The following CDH4 variants were observed in gnomAD, a reference collection of about 807,000 sequenced individuals.
CDH4 encodes the protein cadherin 4.
CDH4 carries 33 observed loss-of-function variants against 86.0 expected under a neutral mutation model. That is an observed-to-expected ratio of 0.38 (90% CI 0.29 to 0.51). CDH4 has a LOEUF of 0.51. Among genes scored for constraint, CDH4 ranks in the 20% least tolerant of loss-of-function variants. The pLI, the probability that CDH4 is intolerant of heterozygous loss-of-function variation, is 0.86. For missense variants in CDH4, 1,114 were observed against 1,307.4 expected, an observed-to-expected ratio of 0.85 and a Z score of 2.28; for synonymous variants, 555 against 549.4, an observed-to-expected ratio of 1.01 and a Z score of -0.14.
intron 2 of CDH4, among the ~76,000 whole-genome samples, chr20:61,671,608 G>A (rs2087388054): frequency 6.6e-6 from 1 of 152,004 alleles, no homozygotes; most frequent in Non-Finnish European, 1.5e-5. Context: ...TGGATGGATG[G>A]GTAGATGGAT....
rs538342532 is a variant in CDH4, at chr20:61,830,441, C to T, written c.577-14227C>T. Among the ~76,000 whole-genome samples the T allele has an allele frequency of 2.0e-4, 31 of 152,074 alleles. 1 individual carries two copies. The East Asian group carries it at 5.1e-3, about 25-fold the overall frequency. ...ATCCAGGAGGGCAGCACACACCTCC[C>T]GGGGCCTCTGCCATCCGGCCCAGGG... On this transcript the variant is annotated intron_variant, in intron 4 of 15. Coordinates refer to ENST00000614565, the MANE Select transcript of CDH4 (RefSeq NM_001794.5).
chr20:61,416,028 C>T (rs1187020193), intron 2 of CDH4, among the ~76,000 whole-genome samples: 1 of 141,082 alleles, frequency 7.1e-6, no homozygotes, highest in African/African-American at 2.7e-5. Flanking sequence ...TTTTTTTTCC[C>T]CGAAACAGAG....
intron 3 of CDH4, among the ~76,000 whole-genome samples, chr20:61,757,284 G>A (rs6121466): frequency 7.9e-5 from 12 of 152,212 alleles, no homozygotes; most frequent in Admixed American, 2.0e-4. Flanking sequence ...GTGGTGGGCC[G>A]TCAGTATTAG....
At chr20:61,875,116 AC>A (rs1222185136) in intron 7 of CDH4, among the ~76,000 whole-genome samples, 1 of 151,688 alleles carries the variant, frequency 6.6e-6, no homozygotes, top group Non-Finnish European at 1.5e-5. Context: ...GGGCTGTGGG[AC>A]CCCCCGGGGC....
intron 2 of CDH4, among the ~76,000 whole-genome samples, chr20:61,659,906 T>C (rs1166895350): frequency 1.3e-5 from 2 of 152,234 alleles, no homozygotes; most frequent in African/African-American, 4.8e-5. Context: ...TTTGGCTTCC[T>C]CAGTCTGTCC....
chr20:61,594,258 G>T (rs142711543), intron 2 of CDH4, among the ~76,000 whole-genome samples: 1,381 of 123,426 alleles, frequency 0.011, 28 homozygotes, highest in African/African-American at 0.039. Context: ...GAAGAGGGTG[G>T]GGGGGAAGAG....
intron 2 of CDH4, among the ~76,000 whole-genome samples, chr20:61,304,269 C>CT (rs33995092): frequency 7.0e-4 from 106 of 151,782 alleles, no homozygotes; most frequent in African/African-American, 2.4e-3. Context: ...CGGCACCCCC[C>CT]CAACCCCCCG....
intron 2 of CDH4, among the ~76,000 whole-genome samples, chr20:61,289,293 A>G (rs954135152): frequency 2.0e-5 from 3 of 152,204 alleles, no homozygotes; most frequent in Admixed American, 2.0e-4. Context: ...GGGACACCAA[A>G]GCTCACAGGA....
intron 4 of CDH4, among the ~76,000 whole-genome samples, chr20:61,821,121 C>T (rs73307824): frequency 0.019 from 2,911 of 151,356 alleles, 95 homozygotes; most frequent in African/African-American, 0.064. Flanking sequence ...TACCCAGCCT[C>T]CACCTCCCAG....
chr20:61,366,530 C>T (rs2084811607), intron 2 of CDH4, among the ~76,000 whole-genome samples: 1 of 152,246 alleles, frequency 6.6e-6, no homozygotes, highest in South Asian at 2.1e-4. Flanking sequence ...TATTTATTAA[C>T]AGCAAGCCAG....
At chr20:61,824,536 G>A (rs79434128) in intron 4 of CDH4, among the ~76,000 whole-genome samples, 3,645 of 152,130 alleles carry the variant, frequency 0.024, 113 homozygotes, top group East Asian at 0.093. Context: ...ATGCTGAGCC[G>A]TCTGCCCTGT....
At chr20:61,904,556 GC>G (rs2054767869) in intron 8 of CDH4, among the ~76,000 whole-genome samples, 1 of 152,146 alleles carries the variant, frequency 6.6e-6, no homozygotes, top group Admixed American at 6.5e-5. Context: ...CCACCCCTTA[GC>G]CCTGGTCATT....
chr20:61,849,572 C>A (rs996202408), intron 5 of CDH4, among the ~76,000 whole-genome samples: 1 of 152,022 alleles, frequency 6.6e-6, no homozygotes, highest in Non-Finnish European at 1.5e-5. Context: ...GCTCCCCCGG[C>A]CCTAGGGAGG....
At chr20:61,424,197 A>G (rs1263966747) in intron 2 of CDH4, among the ~76,000 whole-genome samples, 1 of 151,596 alleles carries the variant, frequency 6.6e-6, no homozygotes, top group African/African-American at 2.4e-5. Context: ...ACATGTATCC[A>G]CACGCATCCA....
intron 2 of CDH4, among the ~76,000 whole-genome samples, chr20:61,390,666 A>G (rs1436046906): frequency 2.0e-5 from 3 of 149,742 alleles, no homozygotes; most frequent in African/African-American, 7.4e-5. Flanking sequence ...TGTCTGGGAA[A>G]CCCCGATTGA....
intron 1 of CDH4, among the ~76,000 whole-genome samples, chr20:61,253,478 C>T (rs964024014): frequency 1.3e-5 from 2 of 152,054 alleles, no homozygotes; most frequent in Non-Finnish European, 2.9e-5. Flanking sequence ...GCCTCGCTGC[C>T]TTCTCCCGGG....
intron 2 of CDH4, among the ~76,000 whole-genome samples, chr20:61,673,707 A>G (rs1328498578): frequency 7.9e-5 from 12 of 152,218 alleles, no homozygotes; most frequent in Admixed American, 6.5e-4. Context: ...CTGATTCAGC[A>G]TGTCTCAGGT....
chr20:61,369,681 A>G (rs1239799676), intron 2 of CDH4, among the ~76,000 whole-genome samples: 3 of 152,038 alleles, frequency 2.0e-5, no homozygotes, highest in Non-Finnish European at 4.4e-5. Context: ...TGTCCTCTTC[A>G]TGCAACTTTC....
intron 2 of CDH4, among the ~76,000 whole-genome samples, chr20:61,571,684 T>C (rs73136676): frequency 0.082 from 12,471 of 152,006 alleles, 1,121 homozygotes; most frequent in African/African-American, 0.22. Context: ...GAAATAAGAC[T>C]ACATGGCTGT....
Sources: allele counts gnomAD v4.1 joint callset (sites outside exome capture counted in the v4.1 genomes callset), GRCh38; gene constraint gnomAD v4.1.1; transcripts MANE v1.5; gene names NCBI Gene and HGNC (gene_info 2026-07-23, HGNC 2026-07-21).